Variants in FAM13A observed in about 807,000 individuals in gnomAD.
FAM13A encodes protein FAM13A.
A neutral mutation model predicts 129.6 loss-of-function variants in FAM13A; 76 were observed. The ratio of observed to expected loss-of-function variants is 0.59; its 90% CI spans 0.49 to 0.71. The LOEUF is 0.71. FAM13A is among the 30% of genes least tolerant of loss of function. The pLI, the probability that FAM13A is intolerant of heterozygous loss-of-function variation, is 0.00. For missense variants in FAM13A, 1,108 were observed against 1,249.3 expected, an observed-to-expected ratio of 0.89 and a Z score of 1.70; for synonymous variants, 443 against 449.9, an observed-to-expected ratio of 0.98 and a Z score of 0.20.
At chr4:88,996,295 G>A (rs921697125) in intron 3 of FAM13A, among the ~76,000 whole-genome samples, 1 of 152,136 alleles carries the variant, frequency 6.6e-6, no homozygotes, top group East Asian at 1.9e-4. Flanking sequence ...GGACCACTCC[G>A]GCTGCTCTGC....
intron 4 of FAM13A, among the ~76,000 whole-genome samples, chr4:88,969,285 G>T (rs1759759349): frequency 6.6e-6 from 1 of 152,204 alleles, no homozygotes; most frequent in South Asian, 2.1e-4. Flanking sequence ...GGTCAGAAAA[G>T]TGACTTGTCC....
intron 7 of FAM13A, among the ~76,000 whole-genome samples, chr4:88,850,692 T>C (rs1242630656): frequency 6.6e-6 from 1 of 152,224 alleles, no homozygotes; most frequent in East Asian, 1.9e-4. Flanking sequence ...AACTTCGATC[T>C]CCACTTTAAA....
At chr4:89,055,865 C>T (rs547786435) in intron 1 of FAM13A, among the ~76,000 whole-genome samples, 9 of 152,246 alleles carry the variant, frequency 5.9e-5, no homozygotes, top group African/African-American at 2.2e-4. Context: ...TGCAGTTTCA[C>T]TAAGAAAACT....
intron 4 of FAM13A, among the ~76,000 whole-genome samples, chr4:88,952,975 A>C (rs189046000): frequency 6.6e-6 from 1 of 152,216 alleles, no homozygotes; most frequent in East Asian, 1.9e-4. Flanking sequence ...AATAGTAGCA[A>C]ACTTGACTAA....
chr4:88,976,243 T>C (rs925367060), intron 4 of FAM13A, among the ~76,000 whole-genome samples: 4 of 152,196 alleles, frequency 2.6e-5, no homozygotes, highest in African/African-American at 9.6e-5. Context: ...ATATCTCTCC[T>C]GATGACCATT....
rs189120959 is a variant in FAM13A, at chr4:88,866,192, G to A, written c.844-15009C>T. Among the ~76,000 whole-genome samples, 3 of 152,066 alleles carry A rather than the reference G, an allele frequency of 2.0e-5. 1 individual carries two copies. Among genetic ancestry groups the A allele is most frequent in the Admixed American group, 1.3e-4 (2 of 15,258 alleles). ...CTCCCGAGTAGCTGGGATTACAGGC[G>A]CCTGCCACCATGGCCCAGCTAATTT... On this transcript the variant is annotated intron_variant, in intron 6 of 23. Transcript: ENST00000264344.
chr4:88,817,354 G>A (rs1033441213), intron 7 of FAM13A, among the ~76,000 whole-genome samples: 1 of 152,142 alleles, frequency 6.6e-6, no homozygotes, highest in African/African-American at 2.4e-5. Context: ...CTTGAGGTCA[G>A]GAGTTTGAGA....
At chr4:89,002,011 T>C (rs932855649) in intron 3 of FAM13A, among the ~76,000 whole-genome samples, 13 of 151,952 alleles carry the variant, frequency 8.6e-5, no homozygotes, top group South Asian at 2.1e-4. Context: ...TATTATAAAA[T>C]TCTGTCTCAT....
chr4:89,004,489 C>T (rs1764726555), intron 3 of FAM13A, among the ~76,000 whole-genome samples: 1 of 152,192 alleles, frequency 6.6e-6, no homozygotes, highest in Non-Finnish European at 1.5e-5. Flanking sequence ...AGCACAGTTT[C>T]AATTAATTTG....
At chr4:88,935,212 C>T (rs1023797763) in intron 5 of FAM13A, among the ~76,000 whole-genome samples, 1 of 152,194 alleles carries the variant, frequency 6.6e-6, no homozygotes, top group African/African-American at 2.4e-5. Context: ...AAAAAGACTC[C>T]ATCTTCCAAT....
intron 16 of FAM13A, among the ~76,000 whole-genome samples, chr4:88,749,428 C>T (rs1329850443): frequency 2.0e-5 from 3 of 152,152 alleles, no homozygotes; most frequent in South Asian, 2.1e-4. Context: ...GACAGCAGAA[C>T]GAGCTCAGTG....
intron 4 of FAM13A, among the ~76,000 whole-genome samples, chr4:88,967,118 A>C (rs912268121): frequency 6.6e-6 from 1 of 152,186 alleles, no homozygotes; most frequent in African/African-American, 2.4e-5. Flanking sequence ...ATTAGGATGA[A>C]ATAAGATAGT....
intron 13 of FAM13A, among the ~76,000 whole-genome samples, chr4:88,765,366 G>A (rs1391702646): frequency 1.3e-5 from 2 of 152,088 alleles, no homozygotes; most frequent in East Asian, 1.9e-4. Context: ...ATTCAATAGC[G>A]GGCATGTAAA....
intron 1 of FAM13A, among the ~76,000 whole-genome samples, chr4:89,046,927 AAAAG>A (rs981764467): frequency 3.9e-5 from 6 of 152,208 alleles, no homozygotes; most frequent in African/African-American, 1.2e-4. Flanking sequence ...TAAGTAAAAA[AAAAG>A]AAAGAAAAAA....
intron 7 of FAM13A, among the ~76,000 whole-genome samples, chr4:88,829,490 T>C (rs1733542460): frequency 6.6e-6 from 1 of 152,190 alleles, no homozygotes; most frequent in East Asian, 1.9e-4. Context: ...TAAGGAGCAA[T>C]GCCCTCCAAA....
At chr4:88,959,507 C>A (rs1314981496) in intron 4 of FAM13A, among the ~76,000 whole-genome samples, 2 of 152,202 alleles carry the variant, frequency 1.3e-5, no homozygotes, top group African/African-American at 4.8e-5. Flanking sequence ...CCTGCCTTTG[C>A]AATGTGATGT....
intron 3 of FAM13A, among the ~76,000 whole-genome samples, chr4:89,014,582 A>G (rs1241480087): frequency 6.6e-6 from 1 of 152,212 alleles, no homozygotes; most frequent in Non-Finnish European, 1.5e-5. Flanking sequence ...TGAAGATTTC[A>G]TGGACATTTA....
intron 8 of FAM13A, among the ~76,000 whole-genome samples, chr4:88,792,278 A>G (rs1725343467): frequency 6.6e-6 from 1 of 152,104 alleles, no homozygotes; most frequent in Non-Finnish European, 1.5e-5. Flanking sequence ...TAGAACCAAG[A>G]AATAAATGAG....
chr4:88,772,650 T>C (rs950056118), intron 11 of FAM13A, among the ~76,000 whole-genome samples: 1 of 152,180 alleles, frequency 6.6e-6, no homozygotes, highest in African/African-American at 2.4e-5. Context: ...AAAAATGCAT[T>C]TAGTACACTT....
Sources: gnomAD v4.1 joint callset for allele counts (sites outside exome capture counted in the v4.1 genomes callset) on GRCh38, gnomAD v4.1.1 for gene constraint, MANE v1.5 for transcripts, NCBI Gene and HGNC (gene_info 2026-07-23, HGNC 2026-07-21) for gene names.